Variants in SLC29A3 observed in about 807,000 individuals in gnomAD.
The protein encoded by SLC29A3 is equilibrative nucleoside transporter 3.
SLC29A3 carries 18 observed loss-of-function variants against 25.4 expected under a neutral mutation model. The observed-to-expected ratio is 0.71, with a 90% CI of 0.49 to 1.05. The LOEUF (loss-of-function observed/expected upper bound fraction) is 1.05, where lower values mean the gene tolerates loss of function less well. SLC29A3 is among the 50% of genes least tolerant of loss of function. SLC29A3 has a pLI of 0.00. For synonymous variants in SLC29A3, 258 were observed against 267.1 expected (o/e 0.97, Z 0.33); for missense variants, 586 against 609.0 (o/e 0.96, Z 0.40).
chr10:71,323,107 C>T lies in SLC29A3; in HGVS notation c.300+53C>T. Reference sequence around the variant, plus strand: ...GGTGGGAGCATACAGAGGCCTCATGCCTCACATGCAGGGGAAGATGGAGAT... The same window carrying T: ...GGTGGGAGCATACAGAGGCCTCATGTCTCACATGCAGGGGAAGATGGAGAT... On this transcript the variant is annotated intron_variant, in intron 2 of 5. Coordinates refer to ENST00000373189, the MANE Select transcript of SLC29A3 (RefSeq NM_018344.6). 1.9e-6 allele frequency: 3 copies of T among 1,597,662 alleles called. No individual in the cohort carries two copies. The South Asian group carries it at 3.3e-5, about 18-fold the overall frequency.
chr10:71,359,785 C>T (rs899213363), intron 5 of SLC29A3, among the ~76,000 whole-genome samples: 2 of 152,228 alleles, frequency 1.3e-5, no homozygotes, highest in African/African-American at 4.8e-5. Context: ...AGGCTGAAAC[C>T]AGAACCAAGT....
intron 4 of SLC29A3, among the ~76,000 whole-genome samples, chr10:71,377,157 G>T (rs1049592681): frequency 6.6e-6 from 1 of 152,168 alleles, no homozygotes; most frequent in Admixed American, 6.5e-5. Flanking sequence ...TCAGATCTCC[G>T]GGCCTCAAGG....
In SLC29A3 at chr10:71,320,485, C is replaced by CA. The variant is rs528620159; in HGVS notation, c.1+1175_1+1176insA. On this transcript the variant is annotated intron_variant, in intron 1 of 5. Coordinates refer to ENST00000373189, the MANE Select transcript of SLC29A3 (RefSeq NM_018344.6). ...TTTGGTTTCTGATGAGGGCTCTCTT[C>CA]CTGGCTTGCAGACAGCCTCCTTCTT... is the stretch of plus-strand genomic sequence containing the variant. Among the ~76,000 whole-genome samples the CA allele has an allele frequency of 2.1e-3, 91 of 43,608 alleles. 2 individuals are homozygous for CA. The South Asian group carries it at 0.053, about 26-fold the overall frequency. The allele number at this position is 43,608 out of a possible 152,430, so 28.6% of individuals were successfully genotyped here.
At chr10:71,341,198 G>T (rs1444475075) in intron 2 of SLC29A3, among the ~76,000 whole-genome samples, 1 of 152,140 alleles carries the variant, frequency 6.6e-6, no homozygotes, top group Admixed American at 6.5e-5. Context: ...CAGGGCGTGG[G>T]GTCTCTCTGT....
At chr10:71,338,515 TG>T (rs529659703) in intron 2 of SLC29A3, among the ~76,000 whole-genome samples, 111 of 152,202 alleles carry the variant, frequency 7.3e-4, no homozygotes, top group African/African-American at 2.3e-3. Context: ...CCCAACACTT[TG>T]GGAGGTCAAA....
intron 2 of SLC29A3, among the ~76,000 whole-genome samples, chr10:71,328,582 C>A (rs1453834606): frequency 6.6e-6 from 1 of 152,168 alleles, no homozygotes; most frequent in Non-Finnish European, 1.5e-5. Flanking sequence ...ATCCTATGCC[C>A]CTGGTACACC....
intron 2 of SLC29A3, among the ~76,000 whole-genome samples, chr10:71,333,062 AT>A (rs1460664929): frequency 6.6e-6 from 1 of 152,266 alleles, no homozygotes; most frequent in East Asian, 1.9e-4. Context: ...AAATTAGAAG[AT>A]GGCCTGGACC....
chr10:71,323,692 G>A (rs563262122), intron 2 of SLC29A3, among the ~76,000 whole-genome samples: 1 of 152,222 alleles, frequency 6.6e-6, no homozygotes, highest in African/African-American at 2.4e-5. Context: ...AAAATGGGAG[G>A]TTCTGTTATG....
At chr10:71,330,195 A>G (rs1846086962) in intron 2 of SLC29A3, among the ~76,000 whole-genome samples, 1 of 152,134 alleles carries the variant, frequency 6.6e-6, no homozygotes, top group South Asian at 2.1e-4. Flanking sequence ...TAGTTAGGAG[A>G]TGGGGGCTCC....
downstream of SLC29A3, among the ~76,000 whole-genome samples, chr10:71,363,801 C>CTTT (rs374989127): frequency 1.3e-4 from 2 of 15,040 alleles, no homozygotes; most frequent in African/African-American, 2.8e-4. Context: ...TTCTTTTTTT[C>CTTT]CTTTTTCTTT....
chr10:71,368,338 A>G (rs1268240128), downstream of SLC29A3, among the ~76,000 whole-genome samples: 2 of 152,258 alleles, frequency 1.3e-5, no homozygotes, highest in African/African-American at 4.8e-5. Context: ...TAGATCCTCA[A>G]CAAACTTGGT....
At chr10:71,342,323 A>G (rs1846430908) in intron 2 of SLC29A3, among the ~76,000 whole-genome samples, 1 of 152,230 alleles carries the variant, frequency 6.6e-6, no homozygotes, top group Non-Finnish European at 1.5e-5. Context: ...ATCTGTGCTC[A>G]TGGAATGATG....
intron 4 of SLC29A3, 38 bp from the exon 5 acceptor site, chr10:71,356,043 A>G (rs760466408): frequency 5.0e-6 from 8 of 1,611,396 alleles, no homozygotes; most frequent in Middle Eastern, 3.8e-4. Context: ...CTCCTCGCCC[A>G]CCCCTCACCA....
intron 2 of SLC29A3, among the ~76,000 whole-genome samples, chr10:71,340,102 G>A (rs1221340294): frequency 6.6e-6 from 1 of 152,198 alleles, no homozygotes; most frequent in Non-Finnish European, 1.5e-5. Flanking sequence ...CAGCCTAAGG[G>A]TCTCCTGCCC....
chr10:71,333,600 C>G (rs978813525), intron 2 of SLC29A3, among the ~76,000 whole-genome samples: 6 of 152,274 alleles, frequency 3.9e-5, no homozygotes, highest in African/African-American at 2.4e-5. Flanking sequence ...AGGGCATGGC[C>G]CTTGTCCCTG....
At chr10:71,342,079 A>G (rs7916422) in intron 2 of SLC29A3, among the ~76,000 whole-genome samples, 1,763 of 152,290 alleles carry the variant, frequency 0.012, 32 homozygotes, top group African/African-American at 0.04. Flanking sequence ...CACAGGTCTC[A>G]TCCACACTCA....
In SLC29A3 at chr10:71,356,993, GC is replaced by G. The variant is rs138693126; in HGVS notation, c.773+751del. Among the ~76,000 whole-genome samples, 1,392 of 152,288 alleles carry G rather than the reference GC, an allele frequency of 9.1e-3. 25 individuals carry two copies. The highest frequency in any genetic ancestry group is 0.032 in the African/African-American group (1,334 of 41,554). On this transcript the variant is annotated intron_variant, in intron 5 of 5. Transcript: ENST00000373189. The stretch of plus-strand genomic sequence containing the variant: ...GACAGGGTTTCACTCTGCAGGCCAG[GC>G]TGGAGTGCAGGGATGCAATCGTGGC...
At chr10:71,376,228 T>C (rs1421542475) in intron 4 of SLC29A3, among the ~76,000 whole-genome samples, 2 of 152,228 alleles carry the variant, frequency 1.3e-5, no homozygotes, top group African/African-American at 4.8e-5. Context: ...TATTGCTTAT[T>C]GAAACTACTA....
intron 2 of SLC29A3, among the ~76,000 whole-genome samples, chr10:71,323,307 A>C (rs1311910350): frequency 6.6e-6 from 1 of 152,258 alleles, no homozygotes; most frequent in African/African-American, 2.4e-5. Flanking sequence ...AGAAAATTCC[A>C]AAAGACTAGT....
Sources: allele counts gnomAD v4.1 joint callset (sites outside exome capture counted in the v4.1 genomes callset), GRCh38; gene constraint gnomAD v4.1.1; transcripts MANE v1.5; gene names NCBI Gene and HGNC (gene_info 2026-07-23, HGNC 2026-07-21).